The following TENM2 variants were observed in gnomAD, a reference collection of about 807,000 sequenced individuals.
TENM2 encodes teneurin transmembrane protein 2.
TENM2 carries 52 observed loss-of-function variants against 245.2 expected under a neutral mutation model. The ratio of observed to expected loss-of-function variants is 0.21; its 90% CI spans 0.17 to 0.27. The LOEUF is 0.27. Among genes scored for constraint, TENM2 ranks in the 10% least tolerant of loss-of-function variants. The pLI is 1.00. For missense variants in TENM2, 3,046 were observed against 3,666.8 expected, an observed-to-expected ratio of 0.83 and a Z score of 4.37; for synonymous variants, 1,363 against 1,438.9, an observed-to-expected ratio of 0.95 and a Z score of 1.19.
At chr5:167,651,435 C>A (rs1410085094) in intron 2 of TENM2, among the ~76,000 whole-genome samples, 1 of 151,514 alleles carries the variant, frequency 6.6e-6, no homozygotes, top group East Asian at 2.0e-4. Context: ...AGCCACACTT[C>A]AAGTAGGATG....
intron 5 of TENM2, among the ~76,000 whole-genome samples, chr5:168,016,587 C>G (rs1245091861): frequency 1.3e-5 from 2 of 152,188 alleles, no homozygotes; most frequent in Non-Finnish European, 2.9e-5. Flanking sequence ...AACGTAGGTT[C>G]TGTGGAGCTG....
At position 167,505,031 on chromosome 5, in the gene TENM2, A is replaced by G. The variant is rs78297742; in HGVS notation, c.502+129558A>G. Among the ~76,000 whole-genome samples, 1,418 of 152,292 alleles carry G rather than the reference A, an allele frequency of 9.3e-3. 25 individuals are homozygous for G. The highest frequency in any genetic ancestry group is 0.012 in the Non-Finnish European group (812 of 68,020). On this transcript the variant is annotated intron_variant, in intron 2 of 28. Transcript: ENST00000518659. ...TATCAGATCTTATAATGGGTTAAAGAGGAAAACAAATCAGGGGTAAAGTGA... is the reference window on the plus strand; with the variant it reads ...TATCAGATCTTATAATGGGTTAAAGGGGAAAACAAATCAGGGGTAAAGTGA...
At chr5:167,620,124 G>T (rs1778063030) in intron 2 of TENM2, among the ~76,000 whole-genome samples, 1 of 152,138 alleles carries the variant, frequency 6.6e-6, no homozygotes, top group East Asian at 1.9e-4. Flanking sequence ...TCGGCCGTGT[G>T]GTTAGTTATG....
At chr5:167,730,220 CA>C (rs749240564) in intron 2 of TENM2, among the ~76,000 whole-genome samples, 3 of 152,052 alleles carry the variant, frequency 2.0e-5, no homozygotes, top group Non-Finnish European at 4.4e-5. Flanking sequence ...TTGTGGTTTC[CA>C]AATAGTTGTA....
the TENM2 span, among the ~76,000 whole-genome samples, chr5:167,246,255 T>C: frequency 6.6e-6 from 1 of 152,094 alleles, no homozygotes; most frequent in African/African-American, 2.4e-5. Flanking sequence ...CTGCTACCTC[T>C]ATAAACCCAA....
At chr5:167,887,981 C>A (rs1468007343) in intron 3 of TENM2, among the ~76,000 whole-genome samples, 1 of 152,170 alleles carries the variant, frequency 6.6e-6, no homozygotes, top group Non-Finnish European at 1.5e-5. Context: ...TAATGGCCCT[C>A]TTCTCCCTGC....
the TENM2 span, among the ~76,000 whole-genome samples, chr5:167,210,565 G>A: frequency 1.3e-5 from 2 of 148,192 alleles, no homozygotes; most frequent in African/African-American, 5.0e-5. Context: ...CCGGGTTCAC[G>A]CCATTCTCCT....
chr5:167,473,734 G>A (rs549908307), intron 2 of TENM2, among the ~76,000 whole-genome samples: 2 of 152,274 alleles, frequency 1.3e-5, no homozygotes, highest in South Asian at 4.1e-4. Flanking sequence ...AGTGCAGCTA[G>A]TTACTAATTG....
intron 5 of TENM2, among the ~76,000 whole-genome samples, chr5:168,026,890 C>G (rs888602628): frequency 5.3e-5 from 8 of 152,100 alleles, no homozygotes; most frequent in African/African-American, 1.7e-4. Context: ...TACATACCAG[C>G]ATACACAGAT....
the TENM2 span, among the ~76,000 whole-genome samples, chr5:167,259,591 T>C: frequency 6.6e-6 from 1 of 152,202 alleles, no homozygotes; most frequent in Admixed American, 6.6e-5. Context: ...TGAATGTAAA[T>C]GTTGAAATCT....
the TENM2 span, among the ~76,000 whole-genome samples, chr5:167,184,015 T>A: frequency 2.0e-5 from 3 of 152,182 alleles, no homozygotes; most frequent in African/African-American, 4.8e-5. Flanking sequence ...AACCTCTATA[T>A]TCAGAAAACA....
chr5:167,884,454 T>C (rs1400368226), intron 3 of TENM2, among the ~76,000 whole-genome samples: 1 of 152,216 alleles, frequency 6.6e-6, no homozygotes, highest in Non-Finnish European at 1.5e-5. Flanking sequence ...TCTGTCTCTA[T>C]GAATTTGTGT....
intron 13 of TENM2, among the ~76,000 whole-genome samples, chr5:168,182,309 C>G (rs1489345539): frequency 1.3e-5 from 2 of 152,176 alleles, no homozygotes; most frequent in Non-Finnish European, 2.9e-5. Flanking sequence ...TGGAACAGTA[C>G]CTTTCTCTCG....
chr5:167,118,805 T>G, the TENM2 span, among the ~76,000 whole-genome samples: 1 of 152,154 alleles, frequency 6.6e-6, no homozygotes, highest in African/African-American at 2.4e-5. Context: ...GTATCTTGCT[T>G]TGTCTTCTCC....
chr5:167,242,955 A>T, the TENM2 span, among the ~76,000 whole-genome samples: 1 of 152,172 alleles, frequency 6.6e-6, no homozygotes, highest in East Asian at 1.9e-4. Context: ...AGAATCTTTC[A>T]GAAGGAGTAG....
At chr5:167,462,081 ACATACATACATG>A (rs1465585570) in intron 2 of TENM2, among the ~76,000 whole-genome samples, 4 of 152,036 alleles carry the variant, frequency 2.6e-5, no homozygotes, top group Admixed American at 1.3e-4. Flanking sequence ...ACATGCACAT[ACATACATACATG>A]CATACATACA....
At chr5:167,033,609 A>C in the TENM2 span, among the ~76,000 whole-genome samples, 3 of 152,180 alleles carry the variant, frequency 2.0e-5, no homozygotes, top group Non-Finnish European at 4.4e-5. Context: ...AGTCAGTTTC[A>C]GTTTATTTTA....
At chr5:168,182,961 G>C (rs760829060) in intron 13 of TENM2, among the ~76,000 whole-genome samples, 1 of 151,424 alleles carries the variant, frequency 6.6e-6, no homozygotes, top group Non-Finnish European at 1.5e-5. Flanking sequence ...CTCCCGAGTA[G>C]CCAGAACCAC....
chr5:167,085,603 G>T, the TENM2 span, among the ~76,000 whole-genome samples: 1 of 152,042 alleles, frequency 6.6e-6, no homozygotes, highest in Non-Finnish European at 1.5e-5. Context: ...AAGAAACTAA[G>T]GTTTATGCAT....
Sources: gnomAD v4.1 joint callset for allele counts (sites outside exome capture counted in the v4.1 genomes callset) on GRCh38, gnomAD v4.1.1 for gene constraint, MANE v1.5 for transcripts, NCBI Gene and HGNC (gene_info 2026-07-23, HGNC 2026-07-21) for gene names.